TULP4: variants seen among roughly 807,000 people sequenced by gnomAD.
TULP4 encodes TUB like protein 4.
Under a neutral mutation model 129.0 loss-of-function variants are expected in TULP4, and 16 were observed. That is an observed-to-expected ratio of 0.12 (90% confidence interval 0.08 to 0.19). The LOEUF (loss-of-function observed/expected upper bound fraction) is 0.19, where lower values mean the gene tolerates loss of function less well. Among genes scored for constraint, TULP4 ranks in the 10% least tolerant of loss-of-function variants. The pLI is 1.00. For missense variants in TULP4, 1,842 were observed against 2,059.1 expected, an observed-to-expected ratio of 0.89 and a Z score of 2.04; for synonymous variants, 998 against 854.0, an observed-to-expected ratio of 1.17 and a Z score of -2.94.
chr6:158,239,377 T>A (rs1253389959), intron 1 of TULP4, among the ~76,000 whole-genome samples: 1 of 52,098 alleles, frequency 1.9e-5, no homozygotes, highest in Non-Finnish European at 4.2e-5. Flanking sequence ...ACCCCCCACC[T>A]CCCTCCCGGA....
intron 1 of TULP4, among the ~76,000 whole-genome samples, chr6:158,395,579 C>T (rs1307823329): frequency 7.6e-6 from 1 of 132,018 alleles, no homozygotes; most frequent in Admixed American, 8.4e-5. Flanking sequence ...AAAACTCTGT[C>T]TAAAAAAAAA....
At chr6:158,489,394 G>A (rs1780144612) in intron 8 of TULP4, among the ~76,000 whole-genome samples, 194 bp from the exon 9 acceptor site, 1 of 152,336 alleles carries the variant, frequency 6.6e-6, no homozygotes, top group South Asian at 2.1e-4. Context: ...TTTGACAACA[G>A]TAGAAGTAAT....
chr6:158,389,119 G>T (rs1165388627), intron 1 of TULP4, among the ~76,000 whole-genome samples: 2 of 152,216 alleles, frequency 1.3e-5, no homozygotes, highest in African/African-American at 2.4e-5. Context: ...TTTGCTTAAA[G>T]TATCTTGATA....
Position 158,287,106 on chromosome 6 carries a change from A to T in TULP4, n.116+4728A>T, listed in dbSNP as rs1026308297. ...TAGTAGGGAAGATAAACCAGGTAGT[A>T]AATCTTAGAACACAATGGGATGTTT... On this transcript the variant is annotated intron_variant and non_coding_transcript_variant, in intron 1 of 1. Coordinates refer to the TULP4 transcript ENST00000432358. Among the ~76,000 whole-genome samples the T allele has an allele frequency of 3.3e-5, 5 of 152,220 alleles. No homozygotes were observed. The East Asian group carries it at 9.6e-4, about 29-fold the overall frequency.
intron 1 of TULP4, among the ~76,000 whole-genome samples, chr6:158,411,012 A>G (rs943551897): frequency 6.6e-6 from 1 of 152,100 alleles, no homozygotes; most frequent in Admixed American, 6.5e-5. Context: ...CTGTTGTTCA[A>G]ATGCCTTTGG....
chr6:158,475,222 G>A (rs1019956968), intron 6 of TULP4, among the ~76,000 whole-genome samples: 14 of 152,344 alleles, frequency 9.2e-5, no homozygotes, highest in African/African-American at 3.4e-4. Flanking sequence ...AGCATTGAGG[G>A]GGAGAAGCCA....
chr6:158,238,297 G>C, intron 1 of TULP4: 1 of 1,112,636 alleles, frequency 9.0e-7, no homozygotes. Context: ...GCAGAGCTGG[G>C]CACCTTGGGT....
intron 1 of TULP4, among the ~76,000 whole-genome samples, chr6:158,285,717 TC>T (rs1778823697): frequency 1.3e-5 from 2 of 152,250 alleles, no homozygotes; most frequent in African/African-American, 4.8e-5. Flanking sequence ...TGTTCCCCTG[TC>T]GCCCTGCCCT....
chr6:158,501,870 A>C lies in TULP4; in HGVS notation c.2207A>C (p.His736Pro). The C allele has an allele frequency of 1.9e-6, 3 of 1,614,150 alleles. No individual in the cohort carries two copies. In the South Asian group the frequency reaches 3.3e-5, roughly 18 times the overall value. ...ACGACAGCTGTAGGGACAGCAGAAC[A>C]TGCAGGTGACAGTGCCACCCAGTAC... ...NQTTAVGTAE[H>P]AGDSATQYPV... The change falls in exon 13 of 14, where the codon CAT becomes CCT. Residue 736 changes from histidine (H) to proline (P), a missense_variant. Coordinates refer to ENST00000367097, the MANE Select transcript of TULP4 (RefSeq NM_020245.5).
intron 1 of TULP4, among the ~76,000 whole-genome samples, chr6:158,386,856 T>C (rs1010074180): frequency 2.0e-5 from 3 of 152,214 alleles, no homozygotes; most frequent in Non-Finnish European, 2.9e-5. Flanking sequence ...AATTCATGCC[T>C]GGGAAGTTGT....
chr6:158,370,762 C>T (rs910942497), intron 1 of TULP4, among the ~76,000 whole-genome samples: 2 of 152,304 alleles, frequency 1.3e-5, no homozygotes, highest in East Asian at 3.9e-4. Flanking sequence ...CAAGTTTAAG[C>T]AGGGGTACCC....
intron 1 of TULP4, among the ~76,000 whole-genome samples, chr6:158,363,904 T>G (rs1780858490): frequency 6.6e-6 from 1 of 152,176 alleles, no homozygotes; most frequent in Non-Finnish European, 1.5e-5. Flanking sequence ...AAATTTAGTT[T>G]TGTTTAGAGA....
chr6:158,358,047 G>T (rs1283165827), intron 1 of TULP4, among the ~76,000 whole-genome samples: 1 of 152,198 alleles, frequency 6.6e-6, no homozygotes, highest in Non-Finnish European at 1.5e-5. Context: ...CAGAACAGAA[G>T]TGGGACTCTG....
At chr6:158,320,075 A>G (rs1779590614) in intron 1 of TULP4, among the ~76,000 whole-genome samples, 1 of 152,216 alleles carries the variant, frequency 6.6e-6, no homozygotes, top group African/African-American at 2.4e-5. Flanking sequence ...TCCTTTTACC[A>G]GTATCTCTTT....
intron 1 of TULP4, among the ~76,000 whole-genome samples, chr6:158,263,287 G>A (rs1478213979): frequency 6.6e-6 from 1 of 152,210 alleles, no homozygotes; most frequent in Non-Finnish European, 1.5e-5. Flanking sequence ...GGCCTAAGCT[G>A]GGAGACTGTC....
At chr6:158,332,200 A>AATATATATATATATATATATAT (rs776893885) in intron 1 of TULP4, among the ~76,000 whole-genome samples, 6 of 18,014 alleles carry the variant, frequency 3.3e-4, no homozygotes, top group African/African-American at 9.0e-4. Flanking sequence ...AAAAAAAAAA[A>AATATATATATATATATATATAT]ATATATATAT....
chr6:158,390,853 C>T (rs984577680), intron 1 of TULP4, among the ~76,000 whole-genome samples: 3 of 152,170 alleles, frequency 2.0e-5, no homozygotes, highest in Admixed American at 6.5e-5. Context: ...CCTGTAATCC[C>T]AACACTTTGG....
At chr6:158,393,001 A>G (rs1777623407) in intron 1 of TULP4, among the ~76,000 whole-genome samples, 1 of 133,040 alleles carries the variant, frequency 7.5e-6, no homozygotes, top group African/African-American at 2.7e-5. Flanking sequence ...AAAAAAAAAA[A>G]TCAACAACAA....
intron 1 of TULP4, among the ~76,000 whole-genome samples, chr6:158,297,359 G>A (rs1779052958): frequency 6.6e-6 from 1 of 152,036 alleles, no homozygotes; most frequent in Non-Finnish European, 1.5e-5. Flanking sequence ...CTTTTTTAAG[G>A]TGCACTGATT....
Sources: gnomAD v4.1 joint callset for allele counts (sites outside exome capture counted in the v4.1 genomes callset) on GRCh38, gnomAD v4.1.1 for gene constraint, MANE v1.5 for transcripts, NCBI Gene and HGNC (gene_info 2026-07-23, HGNC 2026-07-21) for gene names.